The following CAMKK2 variants were observed in gnomAD, a reference collection of about 807,000 sequenced individuals.
The protein encoded by CAMKK2 is calcium/calmodulin-dependent protein kinase kinase 2.
A neutral mutation model predicts 67.2 loss-of-function variants in CAMKK2; 30 were observed. That is an observed-to-expected ratio of 0.45 (90% CI 0.33 to 0.61). CAMKK2 has a LOEUF of 0.61. CAMKK2 is among the 20% of genes least tolerant of loss of function. The probability of loss-of-function intolerance (pLI) is 0.02; values close to 1 mark genes in which losing one functional copy is unlikely to be tolerated. For missense variants in CAMKK2, 643 were observed against 802.0 expected (o/e 0.80, Z 2.39); for synonymous variants, 322 against 326.2 (o/e 0.99, Z 0.14).
At chr12:121,250,134 A>G in intron 11 of CAMKK2, 100 bp from the exon 12 acceptor site, 1 of 922,958 alleles carries the variant, frequency 1.1e-6, no homozygotes, top group Non-Finnish European at 1.7e-6. Context: ...ACAGCAGAGA[A>G]ATCAACAATT....
chr12:121,262,879 A>T (rs140666345), intron 6 of CAMKK2, among the ~76,000 whole-genome samples: 66 of 152,270 alleles, frequency 4.3e-4, no homozygotes, highest in African/African-American at 1.4e-3. Flanking sequence ...TAAATAATTA[A>T]TAGTTTAAAT....
intron 1 of CAMKK2, among the ~76,000 whole-genome samples, chr12:121,289,268 A>T (rs1899468578): frequency 6.6e-6 from 1 of 152,084 alleles, no homozygotes. Flanking sequence ...AAAAAACTTC[A>T]GTGGCAATAC....
intron 14 of CAMKK2, among the ~76,000 whole-genome samples, chr12:121,246,801 T>C (rs1334915255): frequency 3.3e-5 from 5 of 151,862 alleles, no homozygotes; most frequent in Non-Finnish European, 5.9e-5. Flanking sequence ...ATCTTTCTTA[T>C]AAGGCCAGGA....
intron 2 of CAMKK2, 139 bp downstream of exon 2, chr12:121,273,917 G>A: frequency 1.5e-6 from 1 of 655,432 alleles, no homozygotes; most frequent in Non-Finnish European, 2.4e-6. Context: ...CCGCCCCCAA[G>A]GTTCCCTGGA....
chr12:121,289,073 C>T (rs1024981185), intron 1 of CAMKK2, among the ~76,000 whole-genome samples: 3 of 152,114 alleles, frequency 2.0e-5, no homozygotes, highest in African/African-American at 7.2e-5. Context: ...AATCCCCCCA[C>T]CCCACCCCAA....
chr12:121,278,722 G>A (rs1897230246), intron 1 of CAMKK2, among the ~76,000 whole-genome samples: 1 of 152,248 alleles, frequency 6.6e-6, no homozygotes, highest in Non-Finnish European at 1.5e-5. Context: ...CCCCAGCCAA[G>A]TGGAACTATA....
rs374616967 is a variant in CAMKK2, at chr12:121,274,313, G to A, written c.214C>T (p.Arg72Trp). Residue 72 changes from arginine (R) to tryptophan (W), a missense_variant, in exon 2 of 17, where the codon CGG (arginine) becomes TGG (tryptophan). This residue lies in a region of CAMKK2 where 483 missense variants were observed against 625.8 expected (regional missense o/e 0.77). Transcript: ENST00000404169. ...TCTTGGCCATCGGCCTCCAGGGGCC[G>A]GTCCCGCGCCAAGCCGAGGTCCACA... The part of the protein sequence containing the change: ...CAVDLGLARD[R>W]PLEADGQEVP... 42 of 1,613,054 alleles carry A rather than the reference G, an allele frequency of 2.6e-5. No homozygotes were observed. The highest frequency in any genetic ancestry group is 3.3e-4 in the Middle Eastern group (2 of 6,082).
intron 1 of CAMKK2, among the ~76,000 whole-genome samples, chr12:121,289,156 C>A (rs1566144117): frequency 6.6e-6 from 1 of 152,104 alleles, no homozygotes; most frequent in African/African-American, 2.4e-5. Context: ...TTTCCGTCAC[C>A]TCCTGGGCCT....
Position 121,245,699 on chromosome 12 carries a change from A to G in CAMKK2, c.1453-459T>C, listed in dbSNP as rs1889309662. Among the ~76,000 whole-genome samples the G allele has an allele frequency of 6.6e-6, 1 of 152,178 alleles. No homozygotes were observed. The highest frequency in any genetic ancestry group is 1.5e-5 in the Non-Finnish European group (1 of 68,028). ...ATGAAGGGAATGGCCTGAGGGCCCCATAAGAGTCACTGGGCCCCTCACCCC... is the reference window on the plus strand; with the variant it reads ...ATGAAGGGAATGGCCTGAGGGCCCCGTAAGAGTCACTGGGCCCCTCACCCC... On this transcript the variant is annotated intron_variant, in intron 14 of 16. Coordinates refer to ENST00000404169, the MANE Select transcript of CAMKK2 (RefSeq NM_001270485.2). This position sits in a 1 kb window ranked among gnomAD's most constrained non-coding sequence, Gnocchi z 5.8.
At chr12:121,288,887 G>A (rs1899348884) in intron 1 of CAMKK2, among the ~76,000 whole-genome samples, 1 of 151,870 alleles carries the variant, frequency 6.6e-6, no homozygotes, top group Non-Finnish European at 1.5e-5. Flanking sequence ...TCAGGATGGG[G>A]TGGGGTGGGG....
chr12:121,284,386 G>A (rs904781392), intron 1 of CAMKK2, among the ~76,000 whole-genome samples: 2 of 152,162 alleles, frequency 1.3e-5, no homozygotes, highest in Non-Finnish European at 2.9e-5. Flanking sequence ...ATGCAGTGGT[G>A]TGATCTCGGC....
chr12:121,247,985 T>C (rs2136179427), intron 14 of CAMKK2, among the ~76,000 whole-genome samples: 1 of 152,262 alleles, frequency 6.6e-6, no homozygotes, highest in East Asian at 1.9e-4. Context: ...GGTCTCTCTC[T>C]TGGAGCTAAC....
intron 1 of CAMKK2, among the ~76,000 whole-genome samples, chr12:121,284,372 T>A (rs1262263722): frequency 6.6e-6 from 1 of 152,236 alleles, no homozygotes; most frequent in Non-Finnish European, 1.5e-5. Flanking sequence ...TTGCCCAGGC[T>A]AGAATGCAGT....
At chr12:121,242,304 C>T (rs1280920626) in intron 16 of CAMKK2, among the ~76,000 whole-genome samples, 1 of 150,906 alleles carries the variant, frequency 6.6e-6, no homozygotes, top group Non-Finnish European at 1.5e-5. Flanking sequence ...CACTACACTC[C>T]AACACTCCAA....
intron 1 of CAMKK2, among the ~76,000 whole-genome samples, chr12:121,287,148 CA>C (rs1197898027): frequency 6.6e-6 from 1 of 152,140 alleles, no homozygotes; most frequent in East Asian, 1.9e-4. Flanking sequence ...TCAAGTGATC[CA>C]CCTGCCTCAG....
At chr12:121,281,551 G>A (rs1283740800) in intron 1 of CAMKK2, among the ~76,000 whole-genome samples, 2 of 152,244 alleles carry the variant, frequency 1.3e-5, no homozygotes, top group Non-Finnish European at 2.9e-5. Context: ...GTTCTTACAT[G>A]TAGTAATTAT....
rs148250757 is a variant in CAMKK2 at position 121,266,711 on chromosome 12, C to T, written c.625+1927G>A. 4.0e-3 allele frequency among the ~76,000 whole-genome samples: 613 copies of T among 152,022 alleles called. 7 individuals are homozygous for T. The highest frequency in any genetic ancestry group is 0.017 in the Middle Eastern group (5 of 294). ...GTTTCACCATCTTGACCAGGCTGAT[C>T]TTGAACTCCTGACCTCGTGATCCAC... On this transcript the variant is annotated intron_variant, in intron 5 of 16. Coordinates refer to ENST00000404169, the MANE Select transcript of CAMKK2 (RefSeq NM_001270485.2).
rs140593125 is a variant in CAMKK2, at chr12:121,255,662, A to T, written c.819-24T>A. On this transcript the variant is annotated intron_variant, in intron 8 of 16. Transcript: ENST00000404169. ...GCCTGAAAGGTCGACACTCATGTGA[A>T]ACACAAAGCAGACCCGCCAGCCCTT... is the stretch of plus-strand genomic sequence containing the variant. 8.1e-6 allele frequency: 13 copies of T among 1,611,316 alleles called. No individual in the cohort carries two copies. The African/African-American group carries it at 1.5e-4, about 18-fold the overall frequency.
chr12:121,279,751 T>C (rs1897407401), intron 1 of CAMKK2, among the ~76,000 whole-genome samples: 1 of 152,186 alleles, frequency 6.6e-6, no homozygotes, highest in Non-Finnish European at 1.5e-5. Context: ...CTCTACCCTG[T>C]TCCCTCTCAC....
Sources: gnomAD v4.1 joint callset for allele counts (sites outside exome capture counted in the v4.1 genomes callset) on GRCh38, gnomAD v4.1.1 for gene constraint, gnomAD v4.1.1 regional missense constraint, Gnocchi (gnomAD v3.1) non-coding constraint, MANE v1.5 for transcripts, NCBI Gene and HGNC (gene_info 2026-07-23, HGNC 2026-07-21) for gene names.